CERT1: variants seen among roughly 807,000 people sequenced by gnomAD.
The protein encoded by CERT1 is ceramide transporter 1, also known as ceramide transfer protein.
Under a neutral mutation model 87.9 loss-of-function variants are expected in CERT1, and 31 were observed. The observed-to-expected ratio is 0.35, with a 90% CI of 0.27 to 0.48. CERT1 has a LOEUF of 0.48. Among genes scored for constraint, CERT1 ranks in the 20% least tolerant of loss-of-function variants. The pLI, the probability that CERT1 is intolerant of heterozygous loss-of-function variation, is 0.99. For missense variants in CERT1, 487 were observed against 758.0 expected, an observed-to-expected ratio of 0.64 and a Z score of 4.20; for synonymous variants, 289 against 250.9, an observed-to-expected ratio of 1.15 and a Z score of -1.44.
intron 2 of CERT1, among the ~76,000 whole-genome samples, chr5:75,464,236 G>A (rs1472540393): frequency 6.6e-6 from 1 of 152,112 alleles, no homozygotes; most frequent in African/African-American, 2.4e-5. Context: ...GAGGCAGCAG[G>A]TAGCACTAGA....
chr5:75,451,644 A>G (rs768987373), intron 3 of CERT1, among the ~76,000 whole-genome samples: 2 of 152,220 alleles, frequency 1.3e-5, no homozygotes, highest in Non-Finnish European at 2.9e-5. Context: ...TAGAGAGGGT[A>G]TCTGTTAAAA....
At position 75,459,268 on chromosome 5, in the gene CERT1, A is replaced by G. The variant is rs1393967570; in HGVS notation, c.232-87T>C. On this transcript the variant is annotated intron_variant, in intron 2 of 16. Coordinates refer to ENST00000643780, the MANE Select transcript of CERT1 (RefSeq NM_001379029.1). ...CCAAAGCCAAAACATGAACATACTC[A>G]TTCTGTGCTGGTGGGAGACTTGTTA... 8 of 742,422 alleles carry G rather than the reference A, an allele frequency of 1.1e-5. No homozygotes were observed. In the East Asian group the frequency reaches 2.0e-4, roughly 19 times the overall value. 46.0% of individuals were successfully genotyped at this position (742,422 alleles called of 1,614,324 possible). A position where few individuals can be genotyped will look rare whatever the true frequency, so the allele number is the denominator to read the frequency against.
chr5:75,493,054 C>T (rs1391445306), intron 2 of CERT1, among the ~76,000 whole-genome samples: 1 of 152,182 alleles, frequency 6.6e-6, no homozygotes, highest in African/African-American at 2.4e-5. Context: ...TAACCTCTAT[C>T]GCATTTTCCT....
intron 2 of CERT1, among the ~76,000 whole-genome samples, chr5:75,498,542 G>A (rs983840919): frequency 1.3e-5 from 2 of 152,260 alleles, no homozygotes; most frequent in African/African-American, 4.8e-5. Context: ...TCTGAGGACA[G>A]TTCAGGCCAT....
intron 3 of CERT1, among the ~76,000 whole-genome samples, chr5:75,447,788 G>A (rs566163584): frequency 6.8e-6 from 1 of 147,790 alleles, no homozygotes; most frequent in South Asian, 2.1e-4. Flanking sequence ...TTTTTTTTTT[G>A]TTAAAGAGAC....
chr5:75,397,596 T>A (rs191123968), intron 11 of CERT1, among the ~76,000 whole-genome samples: 25 of 152,336 alleles, frequency 1.6e-4, no homozygotes, highest in Non-Finnish European at 2.8e-4. Flanking sequence ...TTATAGCCTA[T>A]GTATTCCTGC....
In CERT1 at chr5:75,458,178, A is replaced by G. The variant is rs541146040; in HGVS notation, c.348+887T>C. ...TGGTATTACTGAATTAGCTAATAAT[A>G]CAGATTTATTAATGTATTTCTTTAG... On this transcript the variant is annotated intron_variant, in intron 3 of 16. Coordinates refer to ENST00000643780, the MANE Select transcript of CERT1 (RefSeq NM_001379029.1). 8.5e-5 allele frequency among the ~76,000 whole-genome samples: 13 copies of G among 152,302 alleles called. No individual in the cohort carries two copies. In the East Asian group the frequency reaches 2.5e-3, roughly 29 times the overall value.
At chr5:75,430,724 G>A (rs1763825362) in intron 3 of CERT1, among the ~76,000 whole-genome samples, 1 of 151,814 alleles carries the variant, frequency 6.6e-6, no homozygotes, top group Admixed American at 6.6e-5. Flanking sequence ...TCTAATTACA[G>A]CAATCAGTTC....
chr5:75,481,853 A>T (rs1187342815), intron 2 of CERT1, among the ~76,000 whole-genome samples: 3 of 152,150 alleles, frequency 2.0e-5, no homozygotes, highest in African/African-American at 7.2e-5. Context: ...GGCTACAATG[A>T]TAATAAAAGA....
At chr5:75,464,358 C>T (rs1167668996) in intron 2 of CERT1, among the ~76,000 whole-genome samples, 2 of 131,958 alleles carry the variant, frequency 1.5e-5, no homozygotes, top group East Asian at 4.4e-4. Context: ...ACTCACCTAC[C>T]GCATAGTAAC....
intron 2 of CERT1, among the ~76,000 whole-genome samples, chr5:75,502,872 T>G (rs929728849): frequency 6.6e-6 from 1 of 152,108 alleles, no homozygotes; most frequent in African/African-American, 2.4e-5. Flanking sequence ...GCAAATTTTG[T>G]AGCAGGGGCT....
intron 3 of CERT1, among the ~76,000 whole-genome samples, chr5:75,443,144 C>G (rs894228081): frequency 6.6e-6 from 1 of 152,014 alleles, no homozygotes; most frequent in Admixed American, 6.5e-5. Context: ...TGTCAAATTT[C>G]TTGATCTTTT....
At chr5:75,453,884 A>G (rs1431336247) in intron 3 of CERT1, among the ~76,000 whole-genome samples, 2 of 152,154 alleles carry the variant, frequency 1.3e-5, no homozygotes, top group African/African-American at 4.8e-5. Context: ...TGTGAAACAG[A>G]TCAATACAAA....
intron 5 of CERT1, among the ~76,000 whole-genome samples, chr5:75,419,765 A>C (rs1251055477): frequency 6.6e-6 from 1 of 152,034 alleles, no homozygotes; most frequent in Non-Finnish European, 1.5e-5. Flanking sequence ...AAATATGTGG[A>C]ATGTCTTTAG....
At chr5:75,483,652 G>A (rs1425256989) in intron 2 of CERT1, among the ~76,000 whole-genome samples, 2 of 152,068 alleles carry the variant, frequency 1.3e-5, no homozygotes, top group African/African-American at 4.8e-5. Flanking sequence ...ACATCTAGCA[G>A]AAGACTTCTC....
chr5:75,436,936 C>T (rs543473421), intron 3 of CERT1, among the ~76,000 whole-genome samples: 1 of 152,078 alleles, frequency 6.6e-6, no homozygotes, highest in East Asian at 1.9e-4. Context: ...AGCAAAGATG[C>T]CCCACTAATT....
intron 3 of CERT1, among the ~76,000 whole-genome samples, chr5:75,446,502 G>A (rs1227464681): frequency 1.3e-5 from 2 of 151,964 alleles, no homozygotes; most frequent in Non-Finnish European, 2.9e-5. Context: ...TCTTTTTCAG[G>A]GACAGTTCCT....
Position 75,386,015 on chromosome 5 carries a change from T to C in CERT1, c.1304A>G (p.Glu435Gly). The change falls in exon 13 of 17, where the codon GAA becomes GGA. Residue 435 changes from glutamate to glycine, a missense_variant. This residue lies in a region of CERT1 where 147 missense variants were observed against 200.8 expected (regional missense o/e 0.73). Coordinates refer to ENST00000643780, the MANE Select transcript of CERT1 (RefSeq NM_001379029.1). ...AGGATCCAGAACAATCCCATTTTCT[T>C]CTACTTCTCTTCTGTATACCTAAAG... ...GEMKVYRREV[E>G]ENGIVLDPLK... 6.3e-7 allele frequency: 1 copy of C among 1,575,652 alleles called. No individual in the cohort carries two copies.
chr5:75,406,605 G>T (rs1267602890), intron 8 of CERT1, among the ~76,000 whole-genome samples: 1 of 151,280 alleles, frequency 6.6e-6, no homozygotes, highest in Non-Finnish European at 1.5e-5. Flanking sequence ...CAGTAGCGAG[G>T]TCTTGGCTCA....
Sources: allele counts gnomAD v4.1 joint callset (sites outside exome capture counted in the v4.1 genomes callset), GRCh38; gene constraint gnomAD v4.1.1; regional missense constraint gnomAD v4.1.1; transcripts MANE v1.5; gene names NCBI Gene and HGNC (gene_info 2026-07-23, HGNC 2026-07-21).